The following FANCC variants were observed in gnomAD, a reference collection of about 807,000 sequenced individuals.
FANCC encodes the protein Fanconi anemia group C protein.
FANCC carries 55 observed loss-of-function variants against 71.3 expected under a neutral mutation model. That is an observed-to-expected ratio of 0.77 (90% CI 0.62 to 0.97). The LOEUF (loss-of-function observed/expected upper bound fraction) is 0.97. FANCC is among the 50% of genes least tolerant of loss of function. The probability of loss-of-function intolerance (pLI) is 0.00; values close to 1 mark genes in which losing one functional copy is unlikely to be tolerated. For missense variants in FANCC, 678 were observed against 670.9 expected, an observed-to-expected ratio of 1.01 and a Z score of -0.12; for synonymous variants, 275 against 244.9, an observed-to-expected ratio of 1.12 and a Z score of -1.15.
rs1407351146 is a variant in FANCC at position 95,111,250 on chromosome 9, C to T, written c.1329+213G>A. On this transcript the variant is annotated intron_variant, in intron 13 of 14. Coordinates refer to ENST00000289081, the MANE Select transcript of FANCC (RefSeq NM_000136.3). ...GTTTTGCAGGAGAATGGGCTGGCAGCGTCTCGTCTCTGGCCACCTCGGTGG... is the reference window on the plus strand; with the variant it reads ...GTTTTGCAGGAGAATGGGCTGGCAGTGTCTCGTCTCTGGCCACCTCGGTGG... The T allele has an allele frequency of 6.5e-6, 10 of 1,539,900 alleles. No individual in the cohort carries two copies. The highest frequency in any genetic ancestry group is 1.2e-5 in the South Asian group (1 of 84,708).
At chr9:95,188,243 C>A (rs1406912334) in intron 4 of FANCC, among the ~76,000 whole-genome samples, 1 of 152,212 alleles carries the variant, frequency 6.6e-6, no homozygotes, top group African/African-American at 2.4e-5. Flanking sequence ...GAGATGCAAT[C>A]TTCACTGTCT....
At chr9:95,152,895 GT>G (rs532619132) in intron 6 of FANCC, among the ~76,000 whole-genome samples, 139 of 151,782 alleles carry the variant, frequency 9.2e-4, no homozygotes, top group Non-Finnish European at 1.3e-3. Context: ...ATCGTCTTGG[GT>G]TACACACTAA....
intron 4 of FANCC, among the ~76,000 whole-genome samples, chr9:95,190,913 C>T (rs764291245): frequency 4.6e-5 from 7 of 152,154 alleles, no homozygotes; most frequent in Non-Finnish European, 7.3e-5. Context: ...GGCTGGACTC[C>T]AGGAAATTTT....
At chr9:95,150,116 A>C in intron 6 of FANCC, 29 bp from the exon 7 acceptor site, 1 of 1,612,880 alleles carries the variant, frequency 6.2e-7, no homozygotes, top group Non-Finnish European at 8.5e-7. Flanking sequence ...ATAATCACTC[A>C]AATCTAAGAG....
At position 95,101,648 on chromosome 9, in the gene FANCC, C is replaced by T; in HGVS notation, c.*59G>A. The T allele has an allele frequency of 1.2e-6, 2 of 1,607,378 alleles. No homozygotes were observed. Among genetic ancestry groups the T allele is most frequent in the Non-Finnish European group, 8.5e-7 (1 of 1,178,124 alleles). Reference sequence around the variant, plus strand: ...TGCGTGGCCACAGGTCATCACCTGTCCTGTGGCCCTGGCGAGCCTGATCCC... The same window carrying T: ...TGCGTGGCCACAGGTCATCACCTGTTCTGTGGCCCTGGCGAGCCTGATCCC... On this transcript the variant is annotated 3_prime_UTR_variant, in exon 15 of 15. Coordinates refer to ENST00000289081, the MANE Select transcript of FANCC (RefSeq NM_000136.3).
chr9:95,272,090 C>T (rs1041074178), intron 1 of FANCC, among the ~76,000 whole-genome samples: 1 of 151,552 alleles, frequency 6.6e-6, no homozygotes, highest in Admixed American at 6.6e-5. Flanking sequence ...GCACCCGCCA[C>T]CACGCCTGGC....
chr9:95,155,892 G>GTTTT (rs68175473), intron 6 of FANCC, among the ~76,000 whole-genome samples: 12 of 138,848 alleles, frequency 8.6e-5, no homozygotes, highest in African/African-American at 3.2e-4. Context: ...CTTTTTTTGG[G>GTTTT]TTTTTTTTTT....
chr9:95,197,889 G>A (rs933651051), intron 4 of FANCC, among the ~76,000 whole-genome samples: 1 of 152,184 alleles, frequency 6.6e-6, no homozygotes, highest in African/African-American at 2.4e-5. Context: ...TGAGTGGGTG[G>A]AACAACACAG....
At chr9:95,124,193 A>G (rs1431657513) in intron 10 of FANCC, among the ~76,000 whole-genome samples, 1 of 150,036 alleles carries the variant, frequency 6.7e-6, no homozygotes, top group Non-Finnish European at 1.5e-5. Context: ...GATCTGGTGG[A>G]GCCAAGCATT....
At chr9:95,139,399 G>A (rs1828233626) in intron 7 of FANCC, among the ~76,000 whole-genome samples, 1 of 152,164 alleles carries the variant, frequency 6.6e-6, no homozygotes, top group Non-Finnish European at 1.5e-5. Context: ...ACACAGCCCC[G>A]TGTTAATCAT....
chr9:95,146,026 A>C (rs982531313), intron 7 of FANCC, among the ~76,000 whole-genome samples: 6 of 152,170 alleles, frequency 3.9e-5, no homozygotes, highest in Non-Finnish European at 5.9e-5. Flanking sequence ...ATTCTAAGAC[A>C]ATCAGGATAA....
intron 1 of FANCC, among the ~76,000 whole-genome samples, chr9:95,282,988 C>T: frequency 6.6e-6 from 1 of 152,116 alleles, no homozygotes; most frequent in East Asian, 1.9e-4. Flanking sequence ...AACCCAAAGC[C>T]CAAACTTTGA....
chr9:95,231,007 C>T (rs2135992541), intron 4 of FANCC, among the ~76,000 whole-genome samples: 1 of 152,308 alleles, frequency 6.6e-6, no homozygotes, highest in East Asian at 1.9e-4. Flanking sequence ...AATCCTCTAG[C>T]TAGACAGAAA....
chr9:95,194,664 C>T (rs1827309212), intron 4 of FANCC, among the ~76,000 whole-genome samples: 1 of 151,782 alleles, frequency 6.6e-6, no homozygotes, highest in Non-Finnish European at 1.5e-5. Flanking sequence ...CTTATTTCAC[C>T]TTTTCGTGAA....
intron 6 of FANCC, among the ~76,000 whole-genome samples, chr9:95,168,480 G>T (rs897337897): frequency 6.6e-6 from 1 of 152,196 alleles, no homozygotes; most frequent in Admixed American, 6.5e-5. Flanking sequence ...GTCACCCGTG[G>T]TCCAAAAATA....
At chr9:95,142,056 G>A (rs560674787) in intron 7 of FANCC, among the ~76,000 whole-genome samples, 10 of 124,860 alleles carry the variant, frequency 8.0e-5, no homozygotes, top group Middle Eastern at 0.013. Context: ...GCAATGGCAC[G>A]ATCTCGGCTC....
intron 7 of FANCC, among the ~76,000 whole-genome samples, chr9:95,147,146 G>A (rs1458513845): frequency 6.6e-6 from 1 of 151,502 alleles, no homozygotes; most frequent in Non-Finnish European, 1.5e-5. Context: ...GTATTTTCTT[G>A]CATTTAAGAA....
intron 6 of FANCC, among the ~76,000 whole-genome samples, chr9:95,157,678 T>C (rs1039103418): frequency 2.0e-5 from 3 of 152,112 alleles, no homozygotes; most frequent in Non-Finnish European, 4.4e-5. Context: ...GTTGCGTAAC[T>C]CTCCACTTGA....
intron 4 of FANCC, among the ~76,000 whole-genome samples, chr9:95,218,693 T>C (rs182181148): frequency 3.3e-5 from 5 of 152,276 alleles, no homozygotes; most frequent in Non-Finnish European, 5.9e-5. Context: ...ACTAGAATAG[T>C]ATAAAGAAGA....
Sources: gnomAD v4.1 joint callset for allele counts (sites outside exome capture counted in the v4.1 genomes callset) on GRCh38, gnomAD v4.1.1 for gene constraint, MANE v1.5 for transcripts, NCBI Gene and HGNC (gene_info 2026-07-23, HGNC 2026-07-21) for gene names.